The following GRIK1 variants were observed in gnomAD, a reference collection of about 807,000 sequenced individuals.
GRIK1 encodes glutamate ionotropic receptor kainate type subunit 1.
A neutral mutation model predicts 105.7 loss-of-function variants in GRIK1; 69 were observed. That is an observed-to-expected ratio of 0.65 (90% confidence interval 0.54 to 0.80). The LOEUF (loss-of-function observed/expected upper bound fraction) is 0.80, where lower values mean the gene tolerates loss of function less well. Among genes scored for constraint, GRIK1 ranks in the 30% least tolerant of loss-of-function variants. The probability of loss-of-function intolerance (pLI) is 0.00; values close to 1 mark genes in which losing one functional copy is unlikely to be tolerated. For synonymous variants in GRIK1, 438 were observed against 431.3 expected (o/e 1.02, Z -0.19); for missense variants, 1,109 against 1,167.3 (o/e 0.95, Z 0.73).
chr21:29,547,186 T>C (rs1307429347), intron 16 of GRIK1, among the ~76,000 whole-genome samples: 1 of 152,258 alleles, frequency 6.6e-6, no homozygotes, highest in East Asian at 1.9e-4. Flanking sequence ...ACTCTGTCTG[T>C]AATGATTTGC....
At chr21:29,842,437 A>G (rs752653942) in intron 1 of GRIK1, among the ~76,000 whole-genome samples, 14 of 152,224 alleles carry the variant, frequency 9.2e-5, no homozygotes, top group Non-Finnish European at 1.9e-4. Flanking sequence ...GATGTGGGTC[A>G]GCACACTTCA....
At chr21:29,670,194 G>T (rs761285689) in intron 4 of GRIK1, among the ~76,000 whole-genome samples, 3 of 152,154 alleles carry the variant, frequency 2.0e-5, no homozygotes, top group African/African-American at 7.2e-5. Context: ...AACTGGATAA[G>T]CCATCTCTTT....
chr21:29,619,467 T>C (rs1053072516), intron 7 of GRIK1, among the ~76,000 whole-genome samples: 10 of 151,608 alleles, frequency 6.6e-5, no homozygotes, highest in Non-Finnish European at 1.3e-4. Flanking sequence ...CAACGGACTT[T>C]GGTGACTCAG....
chr21:29,725,007 T>TAAAAAAAA (rs76948130), intron 1 of GRIK1, among the ~76,000 whole-genome samples: 2 of 112,060 alleles, frequency 1.8e-5, no homozygotes, highest in African/African-American at 3.0e-5. Context: ...CTTTGCCACC[T>TAAAAAAAA]AAAAAAAAAA....
In GRIK1 at chr21:29,808,562, T is replaced by C. The variant is rs142229750; in HGVS notation, c.119-114499A>G. Among the ~76,000 whole-genome samples the C allele has an allele frequency of 5.4e-4, 82 of 152,300 alleles. 3 individuals are homozygous for C. In the East Asian group the frequency reaches 0.015, roughly 29 times the overall value. ...CTGTTAACAGAAGATGGGTTGTTTT[T>C]ATATTACAGATGAATAAGAATTACA... On this transcript the variant is annotated intron_variant, in intron 1 of 17. Coordinates refer to ENST00000327783, the MANE Select transcript of GRIK1 (RefSeq NM_001330994.2).
chr21:29,875,685 T>A (rs1365250190), intron 1 of GRIK1, among the ~76,000 whole-genome samples: 1 of 152,164 alleles, frequency 6.6e-6, no homozygotes, highest in African/African-American at 2.4e-5. Flanking sequence ...CCTTCATATG[T>A]TTATTTTAGT....
At chr21:29,574,261 G>A (rs2090830564) in intron 14 of GRIK1, among the ~76,000 whole-genome samples, 1 of 152,016 alleles carries the variant, frequency 6.6e-6, no homozygotes, top group Non-Finnish European at 1.5e-5. Flanking sequence ...TGTGTACAGT[G>A]GCAAAGTCAG....
At chr21:29,815,365 C>A (rs994133281) in intron 1 of GRIK1, among the ~76,000 whole-genome samples, 5 of 152,080 alleles carry the variant, frequency 3.3e-5, no homozygotes, top group Admixed American at 3.3e-4. Flanking sequence ...TAAAGTATTG[C>A]TCAAATAAGG....
In GRIK1 at chr21:29,819,674, C is replaced by T. The variant is rs556176531; in HGVS notation, c.118+119709G>A. ...TAACTTCTATAAGGTCATCATAATT[C>T]CTCCTCCCCCAGAGAAAATCTAACA... On this transcript the variant is annotated intron_variant, in intron 1 of 17. Coordinates refer to ENST00000327783, the MANE Select transcript of GRIK1 (RefSeq NM_001330994.2). 6.1e-4 allele frequency among the ~76,000 whole-genome samples: 93 copies of T among 151,770 alleles called. 1 individual carries two copies. The highest frequency in any genetic ancestry group is 1.1e-3 in the Non-Finnish European group (74 of 67,902).
chr21:29,745,503 T>G (rs2145620180), intron 1 of GRIK1, among the ~76,000 whole-genome samples: 1 of 152,306 alleles, frequency 6.6e-6, no homozygotes, highest in Admixed American at 6.5e-5. Context: ...TAGCAATAGA[T>G]TGCTAGCAAT....
At chr21:29,630,865 T>C (rs946395363) in intron 7 of GRIK1, 2 of 315,862 alleles carry the variant, frequency 6.3e-6, no homozygotes, top group Non-Finnish European at 1.2e-5. Flanking sequence ...AGTGGCGAGA[T>C]CATGGCTGTT....
chr21:29,714,998 G>C (rs1033502695), intron 1 of GRIK1, among the ~76,000 whole-genome samples: 4 of 152,146 alleles, frequency 2.6e-5, no homozygotes, highest in African/African-American at 9.7e-5. Flanking sequence ...TCAGAGTCCA[G>C]CTCCCCATAG....
intron 1 of GRIK1, among the ~76,000 whole-genome samples, chr21:29,834,505 G>T (rs192487939): frequency 1.3e-5 from 2 of 151,030 alleles, no homozygotes; most frequent in East Asian, 3.9e-4. Context: ...TTCACTTCTT[G>T]GTCATTCTTC....
At chr21:29,921,051 G>A (rs2071174793) in intron 1 of GRIK1, among the ~76,000 whole-genome samples, 1 of 152,112 alleles carries the variant, frequency 6.6e-6, no homozygotes, top group African/African-American at 2.4e-5. Context: ...GGCATTCTGG[G>A]CTGGTTAGTT....
intron 4 of GRIK1, among the ~76,000 whole-genome samples, chr21:29,658,257 C>CT (rs1421689012): frequency 2.6e-5 from 4 of 151,938 alleles, no homozygotes; most frequent in Admixed American, 6.6e-5. Context: ...AGGCCCATTT[C>CT]TTTTTTTTAT....
At chr21:29,571,057 T>C (rs1479078199) in intron 14 of GRIK1, among the ~76,000 whole-genome samples, 1 of 152,100 alleles carries the variant, frequency 6.6e-6, no homozygotes, top group East Asian at 1.9e-4. Flanking sequence ...CTAGCATTTG[T>C]TTAAAAAATT....
chr21:29,774,446 C>CTTTTTTTTTTT (rs34378438), intron 1 of GRIK1, among the ~76,000 whole-genome samples: 3 of 102,432 alleles, frequency 2.9e-5, no homozygotes, highest in Non-Finnish European at 5.9e-5. Flanking sequence ...TTATTTTGCT[C>CTTTTTTTTTTT]TTTTTTTTTT....
rs1277290651 is a variant in GRIK1, at chr21:29,560,501, TTCCTTCC to T, written c.2356+1116_2356+1122del. On this transcript the variant is annotated intron_variant, in intron 15 of 17. Transcript: ENST00000327783. Reference sequence around the variant, plus strand: ...TCTCTCCCTTTCTTTCTTTCTTTCCTTCCTTCCTTCCTTCCTTCCTTTCTTTCTTTCT... The same window carrying T: ...TCTCTCCCTTTCTTTCTTTCTTTCCTTTCCTTCCTTCCTTTCTTTCTTTCT... 5.1e-3 allele frequency among the ~76,000 whole-genome samples: 65 copies of T among 12,730 alleles called. 3 individuals carry two copies. The highest frequency in any genetic ancestry group is 0.014 in the African/African-American group (35 of 2,546). The allele number at this position is 12,730 out of a possible 152,430, so 8.4% of individuals were successfully genotyped here. A position where few individuals can be genotyped will look rare whatever the true frequency, so the allele number is the denominator to read the frequency against.
chr21:29,698,009 CCTT>C lies in GRIK1; in HGVS notation c.119-3949_119-3947del, dbSNP rs1431931479. On this transcript the variant is annotated intron_variant, in intron 1 of 17. Transcript: ENST00000327783. Reference sequence around the variant, plus strand: ...TTTCTTTCTTTCTCTTTCTTTCTTTCCTTCTTTCTTTCCTTCTCCCTTTCTTTC... The same window carrying C: ...TTTCTTTCTTTCTCTTTCTTTCTTTCCTTTCTTTCCTTCTCCCTTTCTTTC... 2.7e-5 allele frequency among the ~76,000 whole-genome samples: 4 copies of C among 146,594 alleles called. No individual in the cohort carries two copies. In the East Asian group the frequency reaches 6.3e-4, roughly 23 times the overall value.
Sources: allele counts gnomAD v4.1 joint callset (sites outside exome capture counted in the v4.1 genomes callset), GRCh38; gene constraint gnomAD v4.1.1; transcripts MANE v1.5; gene names NCBI Gene and HGNC (gene_info 2026-07-23, HGNC 2026-07-21).